The following DGCR8 variants were observed in gnomAD, a reference collection of about 807,000 sequenced individuals.
The protein encoded by DGCR8 is microprocessor complex subunit DGCR8.
In DGCR8, 14 loss-of-function variants were observed where a neutral mutation model predicts 78.5. That is an observed-to-expected ratio of 0.18 (90% CI 0.12 to 0.28). The LOEUF is 0.28. Ranked by LOEUF, DGCR8 falls within the 10% of genes least tolerant of loss-of-function variation. The probability of loss-of-function intolerance (pLI) is 1.00; values close to 1 mark genes in which losing one functional copy is unlikely to be tolerated. For missense variants in DGCR8, 702 were observed against 1,022.5 expected, an observed-to-expected ratio of 0.69 and a Z score of 4.28; for synonymous variants, 399 against 402.4, an observed-to-expected ratio of 0.99 and a Z score of 0.10.
At chr22:20,108,775 C>T (rs368769209) in intron 12 of DGCR8, 115 bp from the exon 13 acceptor site, 4 of 202,650 alleles carry the variant, frequency 2.0e-5, no homozygotes, top group Admixed American at 1.3e-4. Flanking sequence ...TGTTTCGTGT[C>T]TGCCAGACCC....
rs796703550 is a variant in DGCR8, at chr22:20,085,303, A to G, written c.-277-384A>G. ...TGGATTGCTGTGCTCTGGTGGCCTG[A>G]GGGAGGCCACGCGCCTTCTGTGTGT... is the stretch of plus-strand genomic sequence containing the variant. On this transcript the variant is annotated intron_variant, in intron 1 of 13. Transcript: ENST00000351989. The surrounding 1 kb of genome is among the most constrained non-coding windows in gnomAD (Gnocchi z 6.2). 1.2e-4 allele frequency among the ~76,000 whole-genome samples: 19 copies of G among 152,296 alleles called. 1 individual carries two copies. Among genetic ancestry groups the G allele is most frequent in the African/African-American group, 4.6e-4 (19 of 41,560 alleles).
At chr22:20,096,185 C>G (rs1042698004) in intron 9 of DGCR8, among the ~76,000 whole-genome samples, 2 of 152,070 alleles carry the variant, frequency 1.3e-5, no homozygotes, top group African/African-American at 4.8e-5. Flanking sequence ...AAGTAAGTTA[C>G]AAAAAGAATG....
chr22:20,111,408 C>T lies in DGCR8; in HGVS notation c.*1300C>T, dbSNP rs1241270669. On this transcript the variant is annotated 3_prime_UTR_variant, in exon 14 of 14. Transcript: ENST00000351989. ...CAGGAAAACAATGTTGGCCTGTGGG[C>T]CGCCCACAACATATCCTTCCCTCAC... 1 of 395,866 alleles carries T rather than the reference C, an allele frequency of 2.5e-6. No homozygotes were observed. Among genetic ancestry groups the T allele is most frequent in the Non-Finnish European group, 4.4e-6 (1 of 225,324 alleles). The allele number at this position is 395,866 out of a possible 1,614,324, so 24.5% of individuals were successfully genotyped here.
Position 20,111,615 on chromosome 22 carries a change from T to C in DGCR8, c.*1507T>C. 2.6e-6 allele frequency: 1 copy of C among 379,678 alleles called. No homozygotes were observed. Among genetic ancestry groups the C allele is most frequent in the African/African-American group, 2.1e-5 (1 of 48,156 alleles). The allele number at this position is 379,678 out of a possible 1,614,324, so 23.5% of individuals were successfully genotyped here. A position where few individuals can be genotyped will look rare whatever the true frequency, so the allele number is the denominator to read the frequency against. Reference sequence around the variant, plus strand: ...TGTGAACCAAAGCTTCGTGCACATGTGTTCCCCTAAAGGTTGGGGAGCCTC... The same window carrying C: ...TGTGAACCAAAGCTTCGTGCACATGCGTTCCCCTAAAGGTTGGGGAGCCTC... On this transcript the variant is annotated 3_prime_UTR_variant, in exon 14 of 14. Transcript: ENST00000351989.
At chr22:20,084,062 C>T (rs2049449515) in intron 1 of DGCR8, among the ~76,000 whole-genome samples, 1 of 152,156 alleles carries the variant, frequency 6.6e-6, no homozygotes, top group South Asian at 2.1e-4. Flanking sequence ...ATTGACCTGC[C>T]AGTGTGTCCA....
intron 3 of DGCR8, among the ~76,000 whole-genome samples, chr22:20,088,602 ACT>A (rs67625586): frequency 0.013 from 1,953 of 151,880 alleles, 45 homozygotes; most frequent in African/African-American, 0.045. Flanking sequence ...TCTTGGCCTG[ACT>A]CTGTGGGGAG....
At position 20,106,610 on chromosome 22, in the gene DGCR8, C is replaced by T. The variant is rs747502755; in HGVS notation, c.1908C>T (p.Asp636=). 24 of 1,613,568 alleles carry T rather than the reference C, an allele frequency of 1.5e-5. No homozygotes were observed. The highest frequency in any genetic ancestry group is 1.8e-5 in the Non-Finnish European group (21 of 1,179,426). ...CTTAAAGAAACCATGGGATGGGTGA[C>T]ACGTCTATCAAGTTTGAAGTGGTTC... is the stretch of plus-strand genomic sequence containing the variant. ...ECLKRNHGMG[D]TSIKFEVVPG... Residue 636 remains aspartate, a synonymous_variant, in exon 11 of 14, where the codon GAC becomes GAT. Coordinates refer to ENST00000351989, the MANE Select transcript of DGCR8 (RefSeq NM_022720.7).
At chr22:20,093,850 T>G (rs2049595285) in intron 8 of DGCR8, among the ~76,000 whole-genome samples, 1 of 152,248 alleles carries the variant, frequency 6.6e-6, no homozygotes, top group South Asian at 2.1e-4. Context: ...TTAGTTGGCT[T>G]CTTGTAGGGT....
Position 20,110,013 on chromosome 22 carries a change from T to C in DGCR8, c.2239-12T>C, listed in dbSNP as rs1191336505. ...ACCTCACTGGTACCCCTGACCTTTG[T>C]TGTTCTTTCAGGAGGAGACTCGAAA... On this transcript the variant is annotated splice_polypyrimidine_tract_variant and intron_variant, in intron 13 of 13. Transcript: ENST00000351989. 5.6e-6 allele frequency: 9 copies of C among 1,613,602 alleles called. No homozygotes were observed. The highest frequency in any genetic ancestry group is 1.7e-5 in the Admixed American group (1 of 60,016).
At position 20,091,863 on chromosome 22, in the gene DGCR8, TCA is replaced by T; in HGVS notation, c.1505-3_1505-2del. The T allele has an allele frequency of 3.7e-6, 6 of 1,613,718 alleles. No homozygotes were observed. Among genetic ancestry groups the T allele is most frequent in the Non-Finnish European group, 5.1e-6 (6 of 1,179,684 alleles). On this transcript the variant is annotated splice_polypyrimidine_tract_variant and splice_region_variant and intron_variant, in intron 6 of 13. Coordinates refer to ENST00000351989, the MANE Select transcript of DGCR8 (RefSeq NM_022720.7). ...ACACTTGCTGAGATGGTTCTTTTTGTCACAGAGTTTGTTATTAACCCCAACGG... is the reference window on the plus strand; with the variant it reads ...ACACTTGCTGAGATGGTTCTTTTTGTCAGAGTTTGTTATTAACCCCAACGG...
chr22:20,093,575 G>C (rs1170156828), intron 8 of DGCR8, among the ~76,000 whole-genome samples: 1 of 152,364 alleles, frequency 6.6e-6, no homozygotes, highest in East Asian at 1.9e-4. Context: ...GGGCATGCCA[G>C]GAGGGAGGAG....
At position 20,089,240 on chromosome 22, in the gene DGCR8, G is replaced by A. The variant is rs1461277315; in HGVS notation, c.881-429G>A. 6.6e-6 allele frequency among the ~76,000 whole-genome samples: 1 copy of A among 152,202 alleles called. No individual in the cohort carries two copies. Among genetic ancestry groups the A allele is most frequent in the Non-Finnish European group, 1.5e-5 (1 of 68,032 alleles). On this transcript the variant is annotated intron_variant, in intron 3 of 13. Coordinates refer to ENST00000351989, the MANE Select transcript of DGCR8 (RefSeq NM_022720.7). The surrounding 1 kb of genome is among the most constrained non-coding windows in gnomAD (Gnocchi z 4.9). Reference sequence around the variant, plus strand: ...TGTATGCTGCTGAGAGTGCAGCTCAGTTACAATAAAGACTTGTCACCTGGT... The same window carrying A: ...TGTATGCTGCTGAGAGTGCAGCTCAATTACAATAAAGACTTGTCACCTGGT...
At position 20,102,621 on chromosome 22, in the gene DGCR8, T is replaced by C. The variant is rs184353157; in HGVS notation, c.1789-3556T>C. 3.3e-5 allele frequency among the ~76,000 whole-genome samples: 5 copies of C among 152,338 alleles called. No individual in the cohort carries two copies. The East Asian group carries it at 9.6e-4, about 29-fold the overall frequency. On this transcript the variant is annotated intron_variant, in intron 9 of 13. Coordinates refer to ENST00000351989, the MANE Select transcript of DGCR8 (RefSeq NM_022720.7). ...TATGTTAGCATTGCCCTCACACCTT[T>C]CTCAGTCACTAGGTGACCGTGGAAG...
At chr22:20,106,905 C>G in intron 11 of DGCR8, 1 of 591,710 alleles carries the variant, frequency 1.7e-6, no homozygotes, top group Non-Finnish European at 3.0e-6. Flanking sequence ...CCCGCTGTCA[C>G]CCCTGTCTCC....
In DGCR8 at chr22:20,110,536, C is replaced by T; in HGVS notation, c.*428C>T. ...GGCTGGCCCGTGATGCCAGGTGGCCCATGTGCCCAGGGCGCCTGCAGGGCT... is the reference window on the plus strand; with the variant it reads ...GGCTGGCCCGTGATGCCAGGTGGCCTATGTGCCCAGGGCGCCTGCAGGGCT... On this transcript the variant is annotated 3_prime_UTR_variant, in exon 14 of 14. Coordinates refer to ENST00000351989, the MANE Select transcript of DGCR8 (RefSeq NM_022720.7). The T allele has an allele frequency of 6.1e-6, 1 of 165,160 alleles. No homozygotes were observed. Among genetic ancestry groups the T allele is most frequent in the South Asian group, 1.9e-4 (1 of 5,338 alleles). The allele number at this position is 165,160 out of a possible 1,614,324, so 10.2% of individuals were successfully genotyped here. A position where few individuals can be genotyped will look rare whatever the true frequency, so the allele number is the denominator to read the frequency against.
Position 20,104,331 on chromosome 22 carries a change from ATTT to A in DGCR8, c.1789-1839_1789-1837del, listed in dbSNP as rs572104534. On this transcript the variant is annotated intron_variant, in intron 9 of 13. Transcript: ENST00000351989. Reference sequence around the variant, plus strand: ...AGGCGCCTGCCACCGCGCCCGGCTAATTTTTTTTTGTATTTTTAGTAGAGACGG... The same window carrying A: ...AGGCGCCTGCCACCGCGCCCGGCTAATTTTTTGTATTTTTAGTAGAGACGG... Among the ~76,000 whole-genome samples the A allele has an allele frequency of 7.3e-5, 11 of 150,210 alleles. No homozygotes were observed. In the South Asian group the frequency reaches 2.1e-3, roughly 29 times the overall value.
At chr22:20,092,565 C>T (rs999573263) in intron 7 of DGCR8, among the ~76,000 whole-genome samples, 2 of 152,126 alleles carry the variant, frequency 1.3e-5, no homozygotes, top group East Asian at 3.9e-4. Flanking sequence ...CTCCTGCTGC[C>T]CCTCTGGCTC....
chr22:20,107,528 C>T (rs543804873), intron 12 of DGCR8, 130 bp downstream of exon 12: 1 of 1,178,604 alleles, frequency 8.5e-7, no homozygotes, highest in South Asian at 1.4e-5. Flanking sequence ...TCTCCTGGGC[C>T]ACTTGTGTGG....
At chr22:20,103,559 G>A (rs1310788128) in intron 9 of DGCR8, among the ~76,000 whole-genome samples, 4 of 151,876 alleles carry the variant, frequency 2.6e-5, no homozygotes, top group Admixed American at 6.6e-5. Context: ...GTCCTACTTG[G>A]GCATGGTATA....
Sources: allele counts gnomAD v4.1 joint callset (sites outside exome capture counted in the v4.1 genomes callset), GRCh38; gene constraint gnomAD v4.1.1; non-coding constraint Gnocchi (gnomAD v3.1); transcripts MANE v1.5; gene names NCBI Gene and HGNC (gene_info 2026-07-23, HGNC 2026-07-21).